The following WDR37 variants were observed in gnomAD, a reference collection of about 807,000 sequenced individuals.
WDR37 encodes the protein WD repeat domain 37, also known as WD repeat-containing protein 37.
Under a neutral mutation model 62.9 loss-of-function variants are expected in WDR37, and 19 were observed. The observed-to-expected ratio is 0.30, with a 90% confidence interval of 0.21 to 0.44. The LOEUF (loss-of-function observed/expected upper bound fraction) is 0.44. Ranked by LOEUF, WDR37 falls within the 20% of genes least tolerant of loss-of-function variation. WDR37 has a pLI of 1.00. For missense variants in WDR37, 474 were observed against 657.6 expected, an observed-to-expected ratio of 0.72 and a Z score of 3.05; for synonymous variants, 250 against 260.9, an observed-to-expected ratio of 0.96 and a Z score of 0.40.
chr10:1,099,162 A>ACATACT (rs1834704539), intron 9 of WDR37, among the ~76,000 whole-genome samples: 1 of 152,258 alleles, frequency 6.6e-6, no homozygotes, highest in African/African-American at 2.4e-5. Context: ...TGCTCTCTGC[A>ACATACT]GTAGCCCAGT....
intron 5 of WDR37, among the ~76,000 whole-genome samples, chr10:1,081,452 TTTAAAG>T: frequency 6.6e-6 from 1 of 152,346 alleles, no homozygotes; most frequent in African/African-American, 2.4e-5. Flanking sequence ...TTTCCTTGAG[TTTAAAG>T]TTAATTTAGC....
chr10:1,074,341 G>A (rs1833804204), intron 2 of WDR37: 4 of 1,242,186 alleles, frequency 3.2e-6, no homozygotes, highest in Middle Eastern at 2.5e-4. Context: ...CAGCAGAGGC[G>A]GTGACTGCAT....
chr10:1,106,573 G>GT (rs1835030570), intron 11 of WDR37, among the ~76,000 whole-genome samples: 1 of 152,150 alleles, frequency 6.6e-6, no homozygotes, highest in Non-Finnish European at 1.5e-5. Flanking sequence ...CTGGAGTGCA[G>GT]TGGTATGATC....
intron 11 of WDR37, among the ~76,000 whole-genome samples, chr10:1,119,146 G>C (rs565063745): frequency 6.6e-6 from 1 of 152,334 alleles, no homozygotes; most frequent in East Asian, 1.9e-4. Flanking sequence ...GTCTGTACAG[G>C]CTCCTGCAGA....
At chr10:1,060,778 A>G (rs1833349963) in intron 1 of WDR37, among the ~76,000 whole-genome samples, 1 of 152,244 alleles carries the variant, frequency 6.6e-6, no homozygotes, top group Non-Finnish European at 1.5e-5. Context: ...TGGTGGTCCC[A>G]TAAGATTGTA....
intron 5 of WDR37, among the ~76,000 whole-genome samples, chr10:1,082,470 T>C (rs1181621837): frequency 6.6e-6 from 1 of 152,244 alleles, no homozygotes; most frequent in Non-Finnish European, 1.5e-5. Flanking sequence ...AAGACACTTA[T>C]CTTCTCAAAA....
chr10:1,064,762 T>G (rs908493531), intron 1 of WDR37, among the ~76,000 whole-genome samples: 7 of 151,956 alleles, frequency 4.6e-5, no homozygotes, highest in African/African-American at 1.7e-4. Flanking sequence ...CTGGCTAGTT[T>G]TGTATTTTTA....
At chr10:1,069,063 G>A (rs1833640516) in intron 1 of WDR37, among the ~76,000 whole-genome samples, 1 of 152,116 alleles carries the variant, frequency 6.6e-6, no homozygotes, top group African/African-American at 2.4e-5. Context: ...GAAATGAGGA[G>A]TGAGGGCAAA....
chr10:1,113,354 C>T (rs549114954), intron 11 of WDR37, among the ~76,000 whole-genome samples: 5 of 152,262 alleles, frequency 3.3e-5, no homozygotes, highest in Admixed American at 6.5e-5. Flanking sequence ...AGGGCTCTGA[C>T]GGAGATGTAC....
intron 1 of WDR37, among the ~76,000 whole-genome samples, chr10:1,059,006 A>T (rs1362993387): frequency 1.3e-5 from 2 of 152,254 alleles, no homozygotes; most frequent in African/African-American, 4.8e-5. Flanking sequence ...TGATGAAAGA[A>T]AAATGTTTAA....
At chr10:1,108,744 C>CT (rs1554825251) in intron 11 of WDR37, among the ~76,000 whole-genome samples, 2 of 137,796 alleles carry the variant, frequency 1.5e-5, no homozygotes, top group Non-Finnish European at 3.2e-5. Flanking sequence ...GTGATGCCCC[C>CT]CCCCCCCGTG....
chr10:1,080,352 G>C, intron 4 of WDR37, 60 bp from the exon 5 acceptor site: 2 of 1,601,318 alleles, frequency 1.2e-6, no homozygotes, highest in African/African-American at 1.3e-5. Context: ...AGACCCATTT[G>C]TGAGGCTATA....
chr10:1,071,817 G>C (rs776558334), intron 1 of WDR37, among the ~76,000 whole-genome samples: 4 of 152,142 alleles, frequency 2.6e-5, no homozygotes, highest in Non-Finnish European at 5.9e-5. Flanking sequence ...CGGGGGAGTA[G>C]ACTGTGCCTG....
intron 11 of WDR37, among the ~76,000 whole-genome samples, chr10:1,117,485 T>C (rs577155514): frequency 6.4e-4 from 97 of 152,354 alleles, no homozygotes; most frequent in African/African-American, 2.1e-3. Context: ...AACTCATAAA[T>C]AAGGACTTAA....
intron 9 of WDR37, among the ~76,000 whole-genome samples, chr10:1,097,789 G>A (rs145443763): frequency 6.6e-4 from 100 of 152,308 alleles, no homozygotes; most frequent in African/African-American, 2.2e-3. Context: ...CCCTTTCCCT[G>A]TTGCCTCTTT....
chr10:1,090,081 T>C (rs1027010506), intron 7 of WDR37, among the ~76,000 whole-genome samples: 10 of 152,212 alleles, frequency 6.6e-5, no homozygotes, highest in Non-Finnish European at 1.5e-5. Flanking sequence ...ATTCTCCTGC[T>C]TCAGCCTCCC....
At chr10:1,124,463 GT>G (rs1163675135) in intron 12 of WDR37, 111 bp downstream of exon 12, 2 of 1,462,546 alleles carry the variant, frequency 1.4e-6, no homozygotes, top group African/African-American at 2.8e-5. Flanking sequence ...GGGAACAATG[GT>G]TTAGGCTCCT....
chr10:1,126,231 C>T (rs374470143), intron 13 of WDR37, among the ~76,000 whole-genome samples: 3 of 152,162 alleles, frequency 2.0e-5, no homozygotes, highest in Non-Finnish European at 1.5e-5. Flanking sequence ...CGGTGAAACC[C>T]TGTCTCTAAT....
At chr10:1,091,754 C>T (rs1834394786) in intron 7 of WDR37, among the ~76,000 whole-genome samples, 1 of 152,168 alleles carries the variant, frequency 6.6e-6, no homozygotes, top group Non-Finnish European at 1.5e-5. Context: ...CCTGTGGAGC[C>T]GGGCTCTGTG....
Sources: gnomAD v4.1 joint callset for allele counts (sites outside exome capture counted in the v4.1 genomes callset) on GRCh38, gnomAD v4.1.1 for gene constraint, MANE v1.5 for transcripts, NCBI Gene and HGNC (gene_info 2026-07-23, HGNC 2026-07-21) for gene names.